GPC5: variants seen among roughly 807,000 people sequenced by gnomAD.
The protein encoded by GPC5 is glypican 5, also known as glypican-5.
A neutral mutation model predicts 53.9 loss-of-function variants in GPC5; 47 were observed. The ratio of observed to expected loss-of-function variants is 0.87; its 90% confidence interval spans 0.69 to 1.11. GPC5 has a LOEUF of 1.11. Ranked by LOEUF, GPC5 falls within the 50% of genes most tolerant of loss-of-function variation. GPC5 has a pLI of 0.00. For missense variants in GPC5, 748 were observed against 713.1 expected (o/e 1.05, Z -0.56); for synonymous variants, 286 against 263.3 (o/e 1.09, Z -0.84).
chr13:91,674,577 A>G (rs374104569), intron 2 of GPC5, among the ~76,000 whole-genome samples: 1 of 148,100 alleles, frequency 6.8e-6, no homozygotes, highest in Non-Finnish European at 1.5e-5. Context: ...ACGCATATAT[A>G]TGCGTATGTG....
intron 7 of GPC5, among the ~76,000 whole-genome samples, chr13:92,628,259 TCTTTC>T (rs1478513056): frequency 1.5e-5 from 2 of 129,748 alleles, no homozygotes; most frequent in Non-Finnish European, 3.2e-5. Flanking sequence ...TTTTTCTTTT[TCTTTC>T]TTTTTTTTTT....
intron 7 of GPC5, among the ~76,000 whole-genome samples, chr13:92,762,021 G>T (rs763534034): frequency 6.6e-6 from 1 of 151,720 alleles, no homozygotes; most frequent in Non-Finnish European, 1.5e-5. Flanking sequence ...TAGAAGAAAT[G>T]CTTAAGGGAG....
chr13:91,580,408 T>A, intron 2 of GPC5, among the ~76,000 whole-genome samples: 1 of 152,358 alleles, frequency 6.6e-6, no homozygotes, highest in Non-Finnish European at 1.5e-5. Context: ...TTACCCTTTA[T>A]AAAATATCAT....
At chr13:91,423,690 G>T (rs537422069) in intron 1 of GPC5, among the ~76,000 whole-genome samples, 1 of 152,142 alleles carries the variant, frequency 6.6e-6, no homozygotes, top group Non-Finnish European at 1.5e-5. Flanking sequence ...ATAATGTATT[G>T]TGTATTTCAA....
At chr13:91,959,057 AACACACAC>A (rs147785443) in intron 6 of GPC5, among the ~76,000 whole-genome samples, 37 of 127,716 alleles carry the variant, frequency 2.9e-4, no homozygotes, top group South Asian at 1.9e-3. Context: ...GAATGGAGAC[AACACACAC>A]ACACACACAC....
chr13:91,714,252 C>G (rs2036287201), intron 3 of GPC5, among the ~76,000 whole-genome samples: 1 of 152,110 alleles, frequency 6.6e-6, no homozygotes, highest in Non-Finnish European at 1.5e-5. Context: ...AATAAAAGCA[C>G]TAATAGTTTT....
At chr13:91,792,147 T>C (rs907043266) in intron 5 of GPC5, among the ~76,000 whole-genome samples, 2 of 152,238 alleles carry the variant, frequency 1.3e-5, no homozygotes, top group Non-Finnish European at 2.9e-5. Context: ...CATTATCTTT[T>C]ACTTTTGAAC....
intron 7 of GPC5, among the ~76,000 whole-genome samples, chr13:92,660,183 A>G (rs933899433): frequency 6.6e-5 from 10 of 152,140 alleles, no homozygotes; most frequent in African/African-American, 1.9e-4. Flanking sequence ...GATTTTACCT[A>G]TAGTACATTT....
chr13:91,611,460 A>G (rs2033546687), intron 2 of GPC5, among the ~76,000 whole-genome samples: 1 of 152,178 alleles, frequency 6.6e-6, no homozygotes, highest in African/African-American at 2.4e-5. Context: ...GTCTTCCCTC[A>G]GATTCGGAAT....
chr13:92,155,736 G>C (rs917107680), intron 7 of GPC5, among the ~76,000 whole-genome samples: 1 of 150,304 alleles, frequency 6.7e-6, no homozygotes, highest in Non-Finnish European at 1.5e-5. Flanking sequence ...ATTTATTTTT[G>C]AAGGAATTTA....
chr13:92,649,717 CA>C (rs1404696680), intron 7 of GPC5, among the ~76,000 whole-genome samples: 1 of 152,094 alleles, frequency 6.6e-6, no homozygotes, highest in African/African-American at 2.4e-5. Context: ...TTTTGTAAAA[CA>C]AACTTGGTTC....
chr13:92,208,753 A>C (rs1288472267), intron 7 of GPC5, among the ~76,000 whole-genome samples: 8 of 152,232 alleles, frequency 5.3e-5, no homozygotes, highest in Non-Finnish European at 1.2e-4. Flanking sequence ...AAACTTAAAT[A>C]GACAGGAATT....
chr13:92,715,202 A>G (rs1282107995), intron 7 of GPC5, among the ~76,000 whole-genome samples: 1 of 152,238 alleles, frequency 6.6e-6, no homozygotes, highest in African/African-American at 2.4e-5. Flanking sequence ...TAGAGTGATC[A>G]GCACAGGTTC....
At chr13:92,799,681 C>G (rs1391325522) in intron 7 of GPC5, among the ~76,000 whole-genome samples, 2 of 151,838 alleles carry the variant, frequency 1.3e-5, no homozygotes, top group East Asian at 3.9e-4. Context: ...TAGTCCTTTA[C>G]CAATGCCTGG....
At chr13:92,518,576 C>T (rs1391759591) in intron 7 of GPC5, among the ~76,000 whole-genome samples, 1 of 152,260 alleles carries the variant, frequency 6.6e-6, no homozygotes, top group African/African-American at 2.4e-5. Context: ...CAAGCAAATG[C>T]TGAGAGATTT....
rs145522580 is a variant in GPC5 at position 92,370,334 on chromosome 13, T to A, written c.1561+225345T>A. On this transcript the variant is annotated intron_variant, in intron 7 of 7. Transcript: ENST00000377067. ...TGCTTATTTTCCGTAATGTGGTCAA[T>A]ACATGTGTAGTTTCTGAACTGTAAA... Among the ~76,000 whole-genome samples the A allele has an allele frequency of 7.9e-5, 12 of 152,338 alleles. No individual in the cohort carries two copies. The East Asian group carries it at 2.3e-3, about 29-fold the overall frequency.
chr13:91,782,196 G>A (rs1293024663), intron 5 of GPC5, among the ~76,000 whole-genome samples: 1 of 152,118 alleles, frequency 6.6e-6, no homozygotes, highest in African/African-American at 2.4e-5. Flanking sequence ...GCCATCCAGT[G>A]GCAGCAGCCA....
intron 7 of GPC5, among the ~76,000 whole-genome samples, chr13:92,522,075 C>T (rs1881076584): frequency 6.6e-6 from 1 of 152,180 alleles, no homozygotes; most frequent in Non-Finnish European, 1.5e-5. Context: ...GAGATACCAT[C>T]TCACACCAGT....
chr13:92,437,724 T>C (rs1319081632), intron 7 of GPC5, among the ~76,000 whole-genome samples: 5 of 152,070 alleles, frequency 3.3e-5, no homozygotes, highest in Non-Finnish European at 7.4e-5. Flanking sequence ...TGGACTCAAT[T>C]GGGTCCTCTG....
Sources: allele counts gnomAD v4.1 joint callset (sites outside exome capture counted in the v4.1 genomes callset), GRCh38; gene constraint gnomAD v4.1.1; transcripts MANE v1.5; gene names NCBI Gene and HGNC (gene_info 2026-07-23, HGNC 2026-07-21).